CACNA1A: variants seen among roughly 807,000 people sequenced by gnomAD.
The protein encoded by CACNA1A is calcium voltage-gated channel subunit alpha1 A.
Under a neutral mutation model 262.4 loss-of-function variants are expected in CACNA1A, and 57 were observed. That is an observed-to-expected ratio of 0.22 (90% CI 0.18 to 0.27). The LOEUF is 0.27. Ranked by LOEUF, CACNA1A falls within the 10% of genes least tolerant of loss-of-function variation. The pLI is 1.00. For missense variants in CACNA1A, 2,526 were observed against 3,562.8 expected, an observed-to-expected ratio of 0.71 and a Z score of 7.41; for synonymous variants, 1,431 against 1,419.3, an observed-to-expected ratio of 1.01 and a Z score of -0.18.
In CACNA1A at chr19:13,207,819, G is replaced by A. The variant is rs890741509; in HGVS notation, c.7015C>T (p.Arg2339Trp). The A allele has an allele frequency of 4.1e-6, 6 of 1,460,182 alleles. No individual in the cohort carries two copies. Among genetic ancestry groups the A allele is most frequent in the African/African-American group, 3.0e-5 (2 of 67,476 alleles). The allele number at this position is 1,460,182 out of a possible 1,614,324, so 90.5% of individuals were successfully genotyped here. A position where few individuals can be genotyped will look rare whatever the true frequency, so the allele number is the denominator to read the frequency against. ...RPGRAATSGP[R>W]RYPGPTAEPL... ...TCGGCCGTGGGGCCTGGGTACCTCC[G>A]AGGGCCGCTGGTGGCCGCCCGGCCC... Residue 2339 changes from arginine to tryptophan, a missense_variant, in exon 47 of 47, where the codon CGG becomes TGG. Around this residue, in one of 17 missense-constraint regions of CACNA1A, gnomAD observed 929 missense variants for 868.1 expected, o/e 1.07. Transcript: ENST00000360228. The surrounding 1 kb of genome is among the most constrained non-coding windows in gnomAD (Gnocchi z 5.7).
At chr19:13,238,482 T>A (rs899186507) in intron 31 of CACNA1A, among the ~76,000 whole-genome samples, 1 of 152,190 alleles carries the variant, frequency 6.6e-6, no homozygotes, top group Non-Finnish European at 1.5e-5. Context: ...AACACCTGCC[T>A]ATCTGACTTA....
chr19:13,370,972 TA>T (rs1266978104), intron 4 of CACNA1A: 2 of 152,076 alleles, frequency 1.3e-5, no homozygotes, highest in Non-Finnish European at 2.9e-5. Flanking sequence ...TGGCTCAACC[TA>T]CACTTAATCT....
intron 1 of CACNA1A, among the ~76,000 whole-genome samples, chr19:13,459,231 T>C (rs1279994595): frequency 6.6e-6 from 1 of 152,160 alleles, no homozygotes; most frequent in East Asian, 1.9e-4. Flanking sequence ...TTCAGTCTCC[T>C]CTTCTGCCCT....
At position 13,239,786 on chromosome 19, in the gene CACNA1A, A is replaced by AGT. The variant is rs369158094; in HGVS notation, c.4951-4058_4951-4057dup. ...GTGGGTAGATGTAGCAGAGAGGGCC[A>AGT]GTGTGTGTGTGTGTGCATGCGTGCA... On this transcript the variant is annotated intron_variant, in intron 31 of 46. Transcript: ENST00000360228. Among the ~76,000 whole-genome samples the AGT allele has an allele frequency of 5.5e-3, 833 of 150,720 alleles. 4 individuals carry two copies. Among genetic ancestry groups the AGT allele is most frequent in the African/African-American group, 0.019 (781 of 41,194 alleles).
intron 1 of CACNA1A, among the ~76,000 whole-genome samples, chr19:13,466,208 C>CT (rs557368417): frequency 0.12 from 17,457 of 146,654 alleles, 1,112 homozygotes; most frequent in South Asian, 0.19. Flanking sequence ...TTTGGTTTTG[C>CT]TTTTTTTTTT....
chr19:13,307,662 G>T, intron 15 of CACNA1A, 120 bp downstream of exon 15: 1 of 732,792 alleles, frequency 1.4e-6, no homozygotes, highest in Non-Finnish European at 2.4e-6. Flanking sequence ...GTGTTTCAAA[G>T]TGGTGTGAAA....
At chr19:13,451,634 C>T (rs1035289740) in intron 3 of CACNA1A, 5 of 152,200 alleles carry the variant, frequency 3.3e-5, no homozygotes, top group African/African-American at 1.2e-4. Context: ...GAGTTCTAGC[C>T]AATAGGATAT....
chr19:13,396,329 T>C (rs960943123), intron 3 of CACNA1A, among the ~76,000 whole-genome samples: 2 of 152,212 alleles, frequency 1.3e-5, no homozygotes, highest in African/African-American at 4.8e-5. Flanking sequence ...TCTCAACTGC[T>C]CCTTTGCCTA....
chr19:13,321,184 C>A (rs1016106638), intron 10 of CACNA1A, among the ~76,000 whole-genome samples: 1 of 152,084 alleles, frequency 6.6e-6, no homozygotes, highest in Non-Finnish European at 1.5e-5. Flanking sequence ...CAGGTGCCCA[C>A]TACCACGTCC....
chr19:13,430,607 A>G (rs967280641), intron 3 of CACNA1A, among the ~76,000 whole-genome samples: 5 of 152,200 alleles, frequency 3.3e-5, no homozygotes, highest in Non-Finnish European at 5.9e-5. Flanking sequence ...TTTTACTGGC[A>G]CAATTCATAT....
At chr19:13,405,245 T>C (rs1048679916) in intron 3 of CACNA1A, among the ~76,000 whole-genome samples, 1 of 151,956 alleles carries the variant, frequency 6.6e-6, no homozygotes, top group Non-Finnish European at 1.5e-5. Flanking sequence ...CTGGCTGGAG[T>C]GCAGTGGTGT....
At position 13,212,577 on chromosome 19, in the gene CACNA1A, C is replaced by T. The variant is rs16047; in HGVS notation, c.6050+54G>A. 997 of 1,516,408 alleles carry T rather than the reference C, an allele frequency of 6.6e-4. 9 individuals carry two copies. In the East Asian group the frequency reaches 0.02, roughly 31 times the overall value. 93.9% of individuals were successfully genotyped at this position (1,516,408 alleles called of 1,614,324 possible). A position where few individuals can be genotyped will look rare whatever the true frequency, so the allele number is the denominator to read the frequency against. On this transcript the variant is annotated intron_variant, in intron 41 of 46. Transcript: ENST00000360228. The surrounding 1 kb of genome is among the most constrained non-coding windows in gnomAD (Gnocchi z 5.6). The stretch of plus-strand genomic sequence containing the variant: ...GTGGGCGCTTGGGCAGCTTCCAGAA[C>T]GTGGGGACCACGGCACCCCCACACT...
At chr19:13,453,569 A>C (rs2060954247) in intron 2 of CACNA1A, among the ~76,000 whole-genome samples, 1 of 152,238 alleles carries the variant, frequency 6.6e-6, no homozygotes, top group Non-Finnish European at 1.5e-5. Flanking sequence ...GATGGTTCTC[A>C]GCTGGCATGT....
intron 3 of CACNA1A, among the ~76,000 whole-genome samples, chr19:13,400,793 G>A (rs2059887455): frequency 1.3e-5 from 2 of 152,158 alleles, no homozygotes; most frequent in South Asian, 4.1e-4. Flanking sequence ...AGTCATCAGT[G>A]CTGTGGCGGA....
intron 12 of CACNA1A, among the ~76,000 whole-genome samples, chr19:13,311,659 A>G (rs2058036533): frequency 6.6e-6 from 1 of 151,948 alleles, no homozygotes; most frequent in African/African-American, 2.4e-5. Flanking sequence ...AACACGGTGA[A>G]ACCCCATCTC....
intron 18 of CACNA1A, 46 bp downstream of exon 18, chr19:13,300,504 G>C (rs754599890): frequency 5.3e-6 from 7 of 1,330,152 alleles, no homozygotes; most frequent in Non-Finnish European, 7.6e-6. Flanking sequence ...GGATAGTGTG[G>C]ACGTTCAGGA....
At chr19:13,413,688 G>C (rs896314547) in intron 3 of CACNA1A, among the ~76,000 whole-genome samples, 1 of 147,052 alleles carries the variant, frequency 6.8e-6, no homozygotes, top group African/African-American at 2.5e-5. Flanking sequence ...AGACCAGCCC[G>C]GCCAACATAG....
chr19:13,243,355 A>C (rs1368216670), intron 31 of CACNA1A, among the ~76,000 whole-genome samples: 1 of 152,122 alleles, frequency 6.6e-6, no homozygotes, highest in Non-Finnish European at 1.5e-5. Context: ...CATATCAAAG[A>C]ATGGCCCCCT....
chr19:13,389,208 C>T (rs542466872), intron 3 of CACNA1A, among the ~76,000 whole-genome samples: 1 of 152,232 alleles, frequency 6.6e-6, no homozygotes, highest in Non-Finnish European at 1.5e-5. Context: ...CGGCAACAAC[C>T]ATATTTCTAA....
Sources: gnomAD v4.1 joint callset for allele counts (sites outside exome capture counted in the v4.1 genomes callset) on GRCh38, gnomAD v4.1.1 for gene constraint, gnomAD v4.1.1 regional missense constraint, Gnocchi (gnomAD v3.1) non-coding constraint, MANE v1.5 for transcripts, NCBI Gene and HGNC (gene_info 2026-07-23, HGNC 2026-07-21) for gene names.